Variants in IPO5 observed in about 807,000 individuals in gnomAD.
The protein encoded by IPO5 is importin-5.
In IPO5, 18 loss-of-function variants were observed where a neutral mutation model predicts 143.3. That is an observed-to-expected ratio of 0.13 (90% CI 0.09 to 0.19). The LOEUF is 0.19. Among genes scored for constraint, IPO5 ranks in the 10% least tolerant of loss-of-function variants. IPO5 has a pLI of 1.00. For synonymous variants in IPO5, 477 were observed against 465.7 expected (o/e 1.02, Z -0.31); for missense variants, 1,013 against 1,336.9 (o/e 0.76, Z 3.78).
intron 27 of IPO5, among the ~76,000 whole-genome samples, chr13:98,020,582 C>T (rs963693079): frequency 1.3e-5 from 2 of 152,150 alleles, no homozygotes; most frequent in East Asian, 1.9e-4. Flanking sequence ...TTCTTAAATT[C>T]GCTATCAGGT....
intron 18 of IPO5, 75 bp from the exon 19 acceptor site, chr13:98,009,806 A>G (rs996161947): frequency 8.9e-7 from 1 of 1,127,752 alleles, no homozygotes; most frequent in South Asian, 1.5e-5. Context: ...GTTTCTATGA[A>G]ATAAGGAAAT....
chr13:97,994,763 C>A (rs1190733971), intron 11 of IPO5, among the ~76,000 whole-genome samples: 4 of 151,990 alleles, frequency 2.6e-5, no homozygotes, highest in Non-Finnish European at 5.9e-5. Flanking sequence ...TCGGATGGAA[C>A]AAAGGGTAGA....
chr13:97,967,323 TG>T (rs1344509221), intron 2 of IPO5, among the ~76,000 whole-genome samples: 4 of 152,184 alleles, frequency 2.6e-5, no homozygotes, highest in Non-Finnish European at 5.9e-5. Flanking sequence ...TGAATTTTGT[TG>T]ATCTTCTCAA....
Position 98,022,473 on chromosome 13 carries a change from T to C in IPO5, c.*651T>C, listed in dbSNP as rs1293464413. 6.5e-6 allele frequency: 1 copy of C among 152,758 alleles called. No individual in the cohort carries two copies. Among genetic ancestry groups the C allele is most frequent in the Non-Finnish European group, 1.5e-5 (1 of 68,036 alleles). 9.5% of individuals were successfully genotyped at this position (152,758 alleles called of 1,614,324 possible). On this transcript the variant is annotated 3_prime_UTR_variant, in exon 29 of 29. Transcript: ENST00000651721. ...CTCATTCACTCCTCAATAAACAACATTGAATACAAAAGAGGCTTGTGTAAA... is the reference window on the plus strand; with the variant it reads ...CTCATTCACTCCTCAATAAACAACACTGAATACAAAAGAGGCTTGTGTAAA...
rs575974249 is a variant in IPO5 at position 97,969,896 on chromosome 13, G to A, written c.-5+66G>A. ...TTTTTTTTAAAAGAGACAAGGTCTCGCCATGTTGCCCAGGCTGGTCTCGAA... is the reference window on the plus strand; with the variant it reads ...TTTTTTTTAAAAGAGACAAGGTCTCACCATGTTGCCCAGGCTGGTCTCGAA... On this transcript the variant is annotated intron_variant, in intron 3 of 28. Transcript: ENST00000651721. The A allele has an allele frequency of 4.1e-4, 510 of 1,255,274 alleles. 1 individual carries two copies. Among genetic ancestry groups the A allele is most frequent in the Non-Finnish European group, 5.2e-4 (452 of 864,626 alleles). 77.8% of individuals were successfully genotyped at this position (1,255,274 alleles called of 1,614,324 possible). A position where few individuals can be genotyped will look rare whatever the true frequency, so the allele number is the denominator to read the frequency against.
rs1461396020 is a variant in IPO5, at chr13:97,985,421, G to A, written c.172G>A (p.Ala58Thr). Residue 58 changes from alanine (A) to threonine (T), a missense_variant and splice_region_variant, in exon 6 of 29, where the codon GCT (alanine) becomes ACT (threonine). Transcript: ENST00000651721. ...TATTAACAATGTTATCTGTTTATAG[G>A]CTAGACAAATGGCCGCCGTTCTCCT... ...AIRNTTAAEE[A>T]RQMAAVLLRR... 4 of 1,611,948 alleles carry A rather than the reference G, an allele frequency of 2.5e-6. No individual in the cohort carries two copies. The African/African-American group carries it at 4.0e-5, about 16-fold the overall frequency.
Position 97,969,797 on chromosome 13 carries a change from T to C in IPO5, c.-38T>C, listed in dbSNP as rs779748782. The C allele has an allele frequency of 1.2e-6, 2 of 1,612,682 alleles. No individual in the cohort carries two copies. The highest frequency in any genetic ancestry group is 2.2e-5 in the South Asian group (2 of 90,840). ...TGTCTTCAAATGCCTGAGGATCAAGTTGGAAAACTAGAAGCAACAGAAAAC... is the reference window on the plus strand; with the variant it reads ...TGTCTTCAAATGCCTGAGGATCAAGCTGGAAAACTAGAAGCAACAGAAAAC... On this transcript the variant is annotated 5_prime_UTR_variant, in exon 3 of 29. Coordinates refer to ENST00000651721, the MANE Select transcript of IPO5 (RefSeq NM_002271.6).
At chr13:97,979,987 G>A (rs776477988) in intron 4 of IPO5, 3 of 456,164 alleles carry the variant, frequency 6.6e-6, no homozygotes, top group South Asian at 4.6e-5. Context: ...GAGTACATAT[G>A]AGCATTTCTT....
At chr13:97,985,964 A>G (rs978625041) in intron 6 of IPO5, among the ~76,000 whole-genome samples, 9 of 152,066 alleles carry the variant, frequency 5.9e-5, no homozygotes, top group African/African-American at 2.2e-4. Flanking sequence ...TTCTACAAAA[A>G]ATTAGTGGGC....
At chr13:97,989,199 A>G (rs757093727) in intron 7 of IPO5, 35 bp downstream of exon 7, 3 of 1,156,176 alleles carry the variant, frequency 2.6e-6, no homozygotes, top group South Asian at 1.3e-5. Context: ...GAGACATTTG[A>G]TTTAATGAAT....
chr13:98,007,007 A>G (rs572270829), intron 17 of IPO5, among the ~76,000 whole-genome samples: 4 of 150,808 alleles, frequency 2.7e-5, no homozygotes, highest in African/African-American at 7.3e-5. Context: ...CTGAGATTAC[A>G]GGCACCTGCC....
intron 21 of IPO5, 75 bp from the exon 22 acceptor site, chr13:98,013,967 C>G: frequency 7.7e-7 from 1 of 1,304,702 alleles, no homozygotes; most frequent in Non-Finnish European, 1.1e-6. Flanking sequence ...GCCTAGCACT[C>G]CTTTTAGTGC....
chr13:97,976,293 AACCCCG>A (rs1186981562), intron 3 of IPO5, among the ~76,000 whole-genome samples: 1 of 149,818 alleles, frequency 6.7e-6, no homozygotes, highest in South Asian at 2.1e-4. Context: ...CCTCGACCTC[AACCCCG>A]ACCCCGACCC....
intron 3 of IPO5, among the ~76,000 whole-genome samples, chr13:97,970,643 C>T: frequency 6.6e-6 from 1 of 151,944 alleles, no homozygotes; most frequent in East Asian, 1.9e-4. Context: ...AAAAGCATAC[C>T]TCAGTTCAAA....
intron 2 of IPO5, among the ~76,000 whole-genome samples, chr13:97,965,452 C>T (rs1885252118): frequency 6.6e-6 from 1 of 152,066 alleles, no homozygotes; most frequent in Admixed American, 6.6e-5. Flanking sequence ...GAGGTATCAC[C>T]ATCTTAATAA....
intron 17 of IPO5, chr13:98,007,544 T>C (rs1294142242): frequency 6.6e-6 from 1 of 152,314 alleles, no homozygotes; most frequent in Non-Finnish European, 1.5e-5. Context: ...TATTAATTTA[T>C]ATTTGGAACT....
chr13:98,017,193 A>G (rs139941183), intron 25 of IPO5, among the ~76,000 whole-genome samples: 106 of 152,006 alleles, frequency 7.0e-4, no homozygotes, highest in African/African-American at 2.3e-3. Context: ...AGATAATTCA[A>G]TTATCTTTGT....
At chr13:98,008,250 A>T (rs1889426476) in intron 18 of IPO5, 108 bp downstream of exon 18, 2 of 637,348 alleles carry the variant, frequency 3.1e-6, no homozygotes, top group Non-Finnish European at 5.6e-6. Context: ...CATACTATCA[A>T]CCCCTGCTAG....
intron 4 of IPO5, among the ~76,000 whole-genome samples, chr13:97,977,278 T>G (rs1352677512): frequency 6.6e-6 from 1 of 152,188 alleles, no homozygotes; most frequent in Non-Finnish European, 1.5e-5. Flanking sequence ...CGTCTGTCCC[T>G]CTCTTTTTAA....
Sources: allele counts gnomAD v4.1 joint callset (sites outside exome capture counted in the v4.1 genomes callset), GRCh38; gene constraint gnomAD v4.1.1; transcripts MANE v1.5; gene names NCBI Gene and HGNC (gene_info 2026-07-23, HGNC 2026-07-21).